Variants in GRID2 observed in about 807,000 individuals in gnomAD.
GRID2 encodes the protein glutamate receptor ionotropic, delta-2.
In GRID2, 33 loss-of-function variants were observed where a neutral mutation model predicts 114.8. That is an observed-to-expected ratio of 0.29 (90% CI 0.22 to 0.38). The LOEUF (loss-of-function observed/expected upper bound fraction) is 0.38, where lower values mean the gene tolerates loss of function less well. Ranked by LOEUF, GRID2 falls within the 10% of genes least tolerant of loss-of-function variation. The probability of loss-of-function intolerance (pLI) is 1.00; values close to 1 mark genes in which losing one functional copy is unlikely to be tolerated. For synonymous variants in GRID2, 505 were observed against 449.9 expected, an observed-to-expected ratio of 1.12 and a Z score of -1.55; for missense variants, 1,184 against 1,257.7, an observed-to-expected ratio of 0.94 and a Z score of 0.89.
intron 2 of GRID2, among the ~76,000 whole-genome samples, chr4:93,019,961 T>C (rs745415959): frequency 6.6e-6 from 1 of 152,216 alleles, no homozygotes; most frequent in Non-Finnish European, 1.5e-5. Context: ...GAATGCATTG[T>C]GGAATCCGAT....
chr4:93,788,280 T>C (rs1287042065), intron 1 of GRID2, among the ~76,000 whole-genome samples: 2 of 151,564 alleles, frequency 1.3e-5, no homozygotes, highest in Non-Finnish European at 1.5e-5. Context: ...ATCACACCAT[T>C]GCACTCCAGC....
chr4:92,791,703 C>T (rs1739600489), intron 2 of GRID2, among the ~76,000 whole-genome samples: 1 of 151,818 alleles, frequency 6.6e-6, no homozygotes, highest in African/African-American at 2.4e-5. Flanking sequence ...GCTAAACCAT[C>T]ACTGAATTGT....
chr4:92,763,498 G>C (rs2149346833), intron 2 of GRID2, among the ~76,000 whole-genome samples: 1 of 152,192 alleles, frequency 6.6e-6, no homozygotes, highest in African/African-American at 2.4e-5. Flanking sequence ...TAAAAATATA[G>C]TTTGGCAACT....
intron 1 of GRID2, among the ~76,000 whole-genome samples, chr4:92,396,684 C>T (rs1042293605): frequency 2.0e-5 from 3 of 151,908 alleles, no homozygotes; most frequent in African/African-American, 7.2e-5. Flanking sequence ...TAAAGATGGT[C>T]AAAGCAAGAC....
intron 8 of GRID2, among the ~76,000 whole-genome samples, chr4:93,378,838 C>G (rs1217230497): frequency 1.3e-5 from 2 of 151,982 alleles, no homozygotes; most frequent in African/African-American, 4.8e-5. Context: ...TTTGTTTTTG[C>G]TGGGAGGAAT....
intron 2 of GRID2, among the ~76,000 whole-genome samples, chr4:93,008,206 A>G (rs1053899987): frequency 7.2e-5 from 11 of 152,034 alleles, no homozygotes; most frequent in African/African-American, 2.7e-4. Flanking sequence ...AAATTCTTCT[A>G]AAGTGGCGTA....
At chr4:93,805,486 CTGGT>C (rs1224871554) in intron 1 of GRID2, among the ~76,000 whole-genome samples, 1 of 152,164 alleles carries the variant, frequency 6.6e-6, no homozygotes, top group Non-Finnish European at 1.5e-5. Context: ...GCTGAAATAA[CTGGT>C]TGGTTGATTC....
intron 12 of GRID2, among the ~76,000 whole-genome samples, chr4:93,500,541 G>C (rs1411738200): frequency 6.6e-6 from 1 of 151,980 alleles, no homozygotes; most frequent in Non-Finnish European, 1.5e-5. Context: ...TTCTGACACA[G>C]ATGTCACCAT....
intron 14 of GRID2, among the ~76,000 whole-genome samples, chr4:93,648,253 A>G (rs1327306012): frequency 6.6e-6 from 1 of 152,230 alleles, no homozygotes. Flanking sequence ...TGTGGAACGT[A>G]TGAGACAGAA....
rs115188598 is a variant in GRID2 at position 93,400,537 on chromosome 4, G to A, written c.1347+4829G>A. Among the ~76,000 whole-genome samples the A allele has an allele frequency of 3.9e-3, 599 of 151,866 alleles. 4 individuals are homozygous for A. Among genetic ancestry groups the A allele is most frequent in the Non-Finnish European group, 6.4e-3 (436 of 67,940 alleles). On this transcript the variant is annotated intron_variant, in intron 9 of 15. Coordinates refer to ENST00000282020, the MANE Select transcript of GRID2 (RefSeq NM_001510.4). Reference sequence around the variant, plus strand: ...AATTAAGTCATTCAATTGTTTTCATGGTAATTCATGAAAACACTATTGGAA... The same window carrying A: ...AATTAAGTCATTCAATTGTTTTCATAGTAATTCATGAAAACACTATTGGAA...
At chr4:93,313,742 C>A (rs1418561227) in intron 8 of GRID2, among the ~76,000 whole-genome samples, 1 of 152,124 alleles carries the variant, frequency 6.6e-6, no homozygotes, top group Non-Finnish European at 1.5e-5. Flanking sequence ...TGAGATGCCA[C>A]TAGATATCCT....
chr4:93,703,137 G>A (rs1025797249), intron 14 of GRID2, among the ~76,000 whole-genome samples: 5 of 152,052 alleles, frequency 3.3e-5, no homozygotes, highest in South Asian at 2.1e-4. Flanking sequence ...CTGACATCAA[G>A]CATGTATTCA....
chr4:93,490,233 T>C (rs1726848309), intron 11 of GRID2, among the ~76,000 whole-genome samples: 1 of 151,772 alleles, frequency 6.6e-6, no homozygotes, highest in Admixed American at 6.6e-5. Context: ...CAAAAAATAA[T>C]CCTTTCAATA....
At chr4:92,624,813 A>G (rs1730444081) in intron 2 of GRID2, among the ~76,000 whole-genome samples, 1 of 151,842 alleles carries the variant, frequency 6.6e-6, no homozygotes, top group Non-Finnish European at 1.5e-5. Context: ...CCTACTATGA[A>G]TGAGATTATT....
intron 14 of GRID2, among the ~76,000 whole-genome samples, chr4:93,680,923 T>G (rs904065089): frequency 1.1e-4 from 16 of 151,540 alleles, no homozygotes; most frequent in Admixed American, 2.0e-4. Context: ...TTGGAAGTTC[T>G]GGCCAGGGCA....
At chr4:93,629,742 A>T (rs1743076806) in intron 14 of GRID2, among the ~76,000 whole-genome samples, 1 of 152,142 alleles carries the variant, frequency 6.6e-6, no homozygotes, top group Admixed American at 6.5e-5. Context: ...ACAACTTCTA[A>T]AATATTAAGT....
chr4:93,452,614 G>T (rs1387291818), intron 10 of GRID2, among the ~76,000 whole-genome samples: 1 of 152,064 alleles, frequency 6.6e-6, no homozygotes, highest in Non-Finnish European at 1.5e-5. Context: ...CCTGTATTGT[G>T]GAAGCAGATA....
At chr4:92,532,205 C>T (rs13103135) in intron 1 of GRID2, among the ~76,000 whole-genome samples, 33,183 of 151,982 alleles carry the variant, frequency 0.22, 3,913 homozygotes, top group South Asian at 0.29. Context: ...GAATGGTTTA[C>T]AGGAATACTC....
chr4:92,594,038 C>A (rs1579646346), intron 2 of GRID2, among the ~76,000 whole-genome samples: 1 of 151,372 alleles, frequency 6.6e-6, no homozygotes, highest in East Asian at 1.9e-4. Context: ...ATAATTGAGA[C>A]CCAGAGAGGT....
Sources: gnomAD v4.1 joint callset for allele counts (sites outside exome capture counted in the v4.1 genomes callset) on GRCh38, gnomAD v4.1.1 for gene constraint, MANE v1.5 for transcripts, NCBI Gene and HGNC (gene_info 2026-07-23, HGNC 2026-07-21) for gene names.